Variants in LAMC3 observed in about 807,000 individuals in gnomAD.
The protein encoded by LAMC3 is laminin subunit gamma 3, also known as laminin subunit gamma-3.
LAMC3 carries 128 observed loss-of-function variants against 173.8 expected under a neutral mutation model. The observed-to-expected ratio is 0.74, with a 90% CI of 0.64 to 0.85. LAMC3 has a LOEUF of 0.85. Ranked by LOEUF, LAMC3 falls within the 40% of genes least tolerant of loss-of-function variation. LAMC3 has a pLI of 0.00. For missense variants in LAMC3, 2,022 were observed against 2,156.0 expected (o/e 0.94, Z 1.23); for synonymous variants, 897 against 909.1 (o/e 0.99, Z 0.24).
At chr9:131,050,304 GC>G (rs1177362037) in intron 9 of LAMC3, among the ~76,000 whole-genome samples, 2 of 152,226 alleles carry the variant, frequency 1.3e-5, no homozygotes, top group Non-Finnish European at 2.9e-5. Flanking sequence ...TGGCAGGGGA[GC>G]CAGGCTTCTG....
chr9:131,020,028 A>G (rs981313774), intron 1 of LAMC3, among the ~76,000 whole-genome samples: 1 of 152,198 alleles, frequency 6.6e-6, no homozygotes, highest in Non-Finnish European at 1.5e-5. Flanking sequence ...CTGACCAAGC[A>G]GAATGAGCTC....
chr9:131,028,044 A>G (rs2133229314), intron 2 of LAMC3, among the ~76,000 whole-genome samples: 1 of 152,294 alleles, frequency 6.6e-6, no homozygotes, highest in Admixed American at 6.5e-5. Context: ...GCCTGTTAGG[A>G]ACCAAGTCAC....
At chr9:131,035,396 A>G (rs1437359592) in intron 3 of LAMC3, among the ~76,000 whole-genome samples, 4 of 150,412 alleles carry the variant, frequency 2.7e-5, no homozygotes, top group Non-Finnish European at 5.9e-5. Flanking sequence ...GGCACATCAC[A>G]TGGCCAGAGC....
rs1037656389 is a variant in LAMC3 at position 131,075,125 on chromosome 9, G to A, written c.3495-706G>A. On this transcript the variant is annotated intron_variant, in intron 20 of 27. Coordinates refer to ENST00000361069, the MANE Select transcript of LAMC3 (RefSeq NM_006059.4). The stretch of plus-strand genomic sequence containing the variant: ...ACAAAAATAATTTTAAAAATTAGCC[G>A]GGCATGGTGGCACACACCTGTAGTC... 5.3e-5 allele frequency among the ~76,000 whole-genome samples: 8 copies of A among 151,778 alleles called. No individual in the cohort carries two copies. In the East Asian group the frequency reaches 7.8e-4, roughly 15 times the overall value.
chr9:131,061,289 C>T (rs1829815559), intron 13 of LAMC3, 66 bp downstream of exon 13: 1 of 1,409,744 alleles, frequency 7.1e-7, no homozygotes, highest in African/African-American at 1.4e-5. Flanking sequence ...TGACTATGCC[C>T]TGGGCTCCAG....
chr9:131,030,887 A>G (rs753178624), intron 2 of LAMC3, among the ~76,000 whole-genome samples: 2 of 152,216 alleles, frequency 1.3e-5, no homozygotes, highest in Non-Finnish European at 2.9e-5. Context: ...TCCACCGCTG[A>G]CCCCTGAATC....
chr9:131,064,612 C>T (rs916230092), intron 13 of LAMC3, among the ~76,000 whole-genome samples: 9 of 148,912 alleles, frequency 6.0e-5, no homozygotes, highest in African/African-American at 2.2e-4. Flanking sequence ...TGCAGTGAGC[C>T]GAGATCGCGC....
intron 11 of LAMC3, among the ~76,000 whole-genome samples, chr9:131,054,221 CA>C (rs1459183284): frequency 2.6e-5 from 4 of 152,086 alleles, no homozygotes; most frequent in African/African-American, 4.8e-5. Context: ...GATTTGCTTC[CA>C]GGGGAGGGAG....
intron 1 of LAMC3, among the ~76,000 whole-genome samples, chr9:131,014,608 G>T (rs141195773): frequency 2.6e-3 from 392 of 152,334 alleles, no homozygotes; most frequent in African/African-American, 8.7e-3. Context: ...CCCCAGTAGT[G>T]CCCAGCCTGC....
At chr9:131,062,685 G>A (rs796702875) in intron 13 of LAMC3, among the ~76,000 whole-genome samples, 15 of 151,954 alleles carry the variant, frequency 9.9e-5, no homozygotes, top group African/African-American at 3.4e-4. Context: ...CCTGGCCAAC[G>A]TGGCAAAACC....
chr9:131,050,920 T>A (rs756368573), intron 9 of LAMC3, among the ~76,000 whole-genome samples: 1 of 151,988 alleles, frequency 6.6e-6, no homozygotes, highest in Non-Finnish European at 1.5e-5. Context: ...TAGCAAAGGA[T>A]GGGAGGGGAG....
At chr9:131,059,228 C>T (rs924941587) in intron 12 of LAMC3, among the ~76,000 whole-genome samples, 9 of 150,596 alleles carry the variant, frequency 6.0e-5, no homozygotes, top group Non-Finnish European at 1.0e-4. Flanking sequence ...CACGGTGGCT[C>T]ACGCCTGTAA....
rs1833712375 is a variant in LAMC3, at chr9:131,026,218, C to T, written c.374-67C>T. 3 of 1,603,190 alleles carry T rather than the reference C, an allele frequency of 1.9e-6. No homozygotes were observed. In the East Asian group the frequency reaches 6.8e-5, roughly 36 times the overall value. Reference sequence around the variant, plus strand: ...AGTGCCTGCAATGCAGCCGTCTGTCCTTCCTAGACCAGGATTCCATACCTC... The same window carrying T: ...AGTGCCTGCAATGCAGCCGTCTGTCTTTCCTAGACCAGGATTCCATACCTC... On this transcript the variant is annotated intron_variant, in intron 1 of 27. Transcript: ENST00000361069. The surrounding 1 kb of genome is among the most constrained non-coding windows in gnomAD (Gnocchi z 4.8).
chr9:131,028,295 T>G (rs1024557459), intron 2 of LAMC3, among the ~76,000 whole-genome samples: 3 of 152,180 alleles, frequency 2.0e-5, no homozygotes, highest in Non-Finnish European at 4.4e-5. Context: ...AACCTCTTCC[T>G]GGTGCCGAAA....
intron 1 of LAMC3, among the ~76,000 whole-genome samples, chr9:131,024,483 C>T (rs867085199): frequency 2.5e-4 from 38 of 152,182 alleles, no homozygotes; most frequent in African/African-American, 7.9e-4. Context: ...TTTCAGCAGA[C>T]GACTAGGGTG....
chr9:131,051,206 T>C (rs72768505), intron 9 of LAMC3, among the ~76,000 whole-genome samples: 14,644 of 152,188 alleles, frequency 0.096, 948 homozygotes, highest in African/African-American at 0.18. Context: ...GGAAGTACTA[T>C]TAAAGGTACT....
At position 131,082,033 on chromosome 9, in the gene LAMC3, C is replaced by T. The variant is rs144911891; in HGVS notation, c.3928-26C>T. The T allele has an allele frequency of 2.1e-4, 338 of 1,591,764 alleles. 2 individuals carry two copies. In the Middle Eastern group the frequency reaches 3.5e-3, roughly 16 times the overall value. On this transcript the variant is annotated intron_variant, in intron 23 of 27. Coordinates refer to ENST00000361069, the MANE Select transcript of LAMC3 (RefSeq NM_006059.4). ...GGCCCTGCTCCTGTGGAGCCAGCTG[C>T]CCAGCCTCTCCTCATCTCTCTCCAG... is the stretch of plus-strand genomic sequence containing the variant.
chr9:131,039,672 G>A (rs1483384026), intron 6 of LAMC3, among the ~76,000 whole-genome samples: 1 of 152,018 alleles, frequency 6.6e-6, no homozygotes, highest in Non-Finnish European at 1.5e-5. Flanking sequence ...TTTGACTGTG[G>A]AGAGGGAGAG....
chr9:131,073,057 TG>T (rs35879328), intron 19 of LAMC3, among the ~76,000 whole-genome samples, 187 bp from the exon 20 acceptor site: 2 of 152,232 alleles, frequency 1.3e-5, no homozygotes, highest in Admixed American at 6.5e-5. Context: ...CAGTAAGTGG[TG>T]GGCTGCATCC....
Sources: allele counts gnomAD v4.1 joint callset (sites outside exome capture counted in the v4.1 genomes callset), GRCh38; gene constraint gnomAD v4.1.1; non-coding constraint Gnocchi (gnomAD v3.1); transcripts MANE v1.5; gene names NCBI Gene and HGNC (gene_info 2026-07-23, HGNC 2026-07-21).